The following PEX26 variants were observed in gnomAD, a reference collection of about 807,000 sequenced individuals.
PEX26 encodes the protein peroxisomal biogenesis factor 26.
Under a neutral mutation model 31.4 loss-of-function variants are expected in PEX26, and 18 were observed. That is an observed-to-expected ratio of 0.57 (90% CI 0.40 to 0.85). PEX26 has a LOEUF of 0.85. Ranked by LOEUF, PEX26 falls within the 40% of genes least tolerant of loss-of-function variation. The probability of loss-of-function intolerance (pLI) is 0.00; values close to 1 mark genes in which losing one functional copy is unlikely to be tolerated. For synonymous variants in PEX26, 176 were observed against 166.9 expected, an observed-to-expected ratio of 1.05 and a Z score of -0.42; for missense variants, 377 against 383.9, an observed-to-expected ratio of 0.98 and a Z score of 0.15.
rs537946580 is a variant in PEX26, at chr22:18,091,440, A to G, written c.*3365A>G. The G allele has an allele frequency of 2.6e-5, 4 of 151,728 alleles. No homozygotes were observed. In the South Asian group the frequency reaches 8.4e-4, roughly 32 times the overall value. 9.4% of individuals were successfully genotyped at this position (151,728 alleles called of 1,614,324 possible). ...CTGAAGTCAGGAGTTCGAGATCAGC[A>G]TGGCCAACATGGTGAAACCCCATCT... On this transcript the variant is annotated 3_prime_UTR_variant, in exon 5 of 5. Coordinates refer to ENST00000399744, the MANE Select transcript of PEX26 (RefSeq NM_001127649.3).
rs930576335 is a variant in PEX26 at position 18,097,782 on chromosome 22, C to G, written c.*9707C>G. 1 of 152,074 alleles carries G rather than the reference C, an allele frequency of 6.6e-6. No homozygotes were observed. Among genetic ancestry groups the G allele is most frequent in the African/African-American group, 2.4e-5 (1 of 41,400 alleles). The allele number at this position is 152,074 out of a possible 1,614,324, so 9.4% of individuals were successfully genotyped here. A position where few individuals can be genotyped will look rare whatever the true frequency, so the allele number is the denominator to read the frequency against. ...TGGTGTTGAACTTGCCTCAAGTGAT[C>G]CTCCCATCTTGACCTCCCAAAGTGC... On this transcript the variant is annotated 3_prime_UTR_variant, in exon 5 of 5. Coordinates refer to ENST00000399744, the MANE Select transcript of PEX26 (RefSeq NM_001127649.3).
Position 18,088,233 on chromosome 22 carries a change from C to T in PEX26, c.*158C>T, listed in dbSNP as rs372104510. The T allele has an allele frequency of 1.5e-5, 11 of 722,672 alleles. No individual in the cohort carries two copies. In the African/African-American group the frequency reaches 1.7e-4, roughly 11 times the overall value. 44.8% of individuals were successfully genotyped at this position (722,672 alleles called of 1,614,324 possible). On this transcript the variant is annotated 3_prime_UTR_variant, in exon 5 of 5. Transcript: ENST00000399744. The surrounding 1 kb of genome is among the most constrained non-coding windows in gnomAD (Gnocchi z 4.1). ...CTGCCTGGGTGCCCTCTCCTTTGCA[C>T]CCTACTTCGGCTGGTCGCGGTAGAT...
intron 1 of PEX26, chr22:18,078,997 A>G (rs913397180): frequency 2.9e-5 from 11 of 379,162 alleles, no homozygotes; most frequent in Non-Finnish European, 4.6e-5. Context: ...AATGGGGGTC[A>G]TGGCAGGAGC....
At chr22:18,079,763 A>G in intron 1 of PEX26, 111 bp from the exon 2 acceptor site, 2 of 1,217,414 alleles carry the variant, frequency 1.6e-6, no homozygotes, top group Non-Finnish European at 1.2e-6. Flanking sequence ...CAGGGATGAG[A>G]GAGATGATGG....
At position 18,101,752 on chromosome 22, in the gene PEX26, T is replaced by G. The variant is rs755195142; in HGVS notation, c.*13677T>G. ...CATTACAATGGCCTCATCCTGCATG[T>G]GGGCAAGTCAGCTCTCTGATGGATG... is the stretch of plus-strand genomic sequence containing the variant. On this transcript the variant is annotated 3_prime_UTR_variant, in exon 5 of 5. Coordinates refer to ENST00000399744, the MANE Select transcript of PEX26 (RefSeq NM_001127649.3). 3 of 236,254 alleles carry G rather than the reference T, an allele frequency of 1.3e-5. No homozygotes were observed. Among genetic ancestry groups the G allele is most frequent in the Non-Finnish European group, 2.5e-5 (3 of 122,078 alleles). 14.6% of individuals were successfully genotyped at this position (236,254 alleles called of 1,614,324 possible). A position where few individuals can be genotyped will look rare whatever the true frequency, so the allele number is the denominator to read the frequency against.
chr22:18,079,273 T>A, intron 1 of PEX26: 1 of 984,186 alleles, frequency 1.0e-6, no homozygotes, highest in Non-Finnish European at 1.2e-6. Context: ...GAGTCATTTC[T>A]TTGCATTGTA....
Position 18,088,441 on chromosome 22 carries a change from GA to G in PEX26, c.*371del. ...GGATGTTAATGGAGCTGGAAGTTCA[GA>G]AAAAGCCTGGTGAAGTGACCCTTGG... On this transcript the variant is annotated 3_prime_UTR_variant, in exon 5 of 5. Transcript: ENST00000399744. The surrounding 1 kb of genome is among the most constrained non-coding windows in gnomAD (Gnocchi z 4.1). 1 of 375,214 alleles carries G rather than the reference GA, an allele frequency of 2.7e-6. No homozygotes were observed. The highest frequency in any genetic ancestry group is 5.2e-6 in the Non-Finnish European group (1 of 193,692). 23.2% of individuals were successfully genotyped at this position (375,214 alleles called of 1,614,324 possible).
In PEX26 at chr22:18,092,226, A is replaced by C. The variant is rs1217765529; in HGVS notation, c.*4151A>C. ...ACTCTCTGGCCTAGTCAAGCAACCC[A>C]CCCACGGCCTGGCCAAGGTCGGCCT... is the stretch of plus-strand genomic sequence containing the variant. On this transcript the variant is annotated 3_prime_UTR_variant, in exon 5 of 5. Coordinates refer to ENST00000399744, the MANE Select transcript of PEX26 (RefSeq NM_001127649.3). 1 of 152,262 alleles carries C rather than the reference A, an allele frequency of 6.6e-6. No homozygotes were observed. The highest frequency in any genetic ancestry group is 1.5e-5 in the Non-Finnish European group (1 of 68,060). 9.4% of individuals were successfully genotyped at this position (152,262 alleles called of 1,614,324 possible).
chr22:18,085,292 G>C (rs1456911157), intron 4 of PEX26, 34 bp downstream of exon 4: 1 of 1,612,608 alleles, frequency 6.2e-7, no homozygotes, highest in East Asian at 2.2e-5. Flanking sequence ...GTCCTTCCTG[G>C]GAAGGGGTTG....
chr22:18,085,340 G>T, intron 4 of PEX26, 82 bp downstream of exon 4: 1 of 1,404,140 alleles, frequency 7.1e-7, no homozygotes, highest in South Asian at 1.2e-5. Context: ...GTGTTTGTCA[G>T]AGTCCTACTG....
In PEX26 at chr22:18,102,045, A is replaced by G. The variant is rs1011657586; in HGVS notation, c.*13970A>G. 1 of 152,268 alleles carries G rather than the reference A, an allele frequency of 6.6e-6. No individual in the cohort carries two copies. The highest frequency in any genetic ancestry group is 1.5e-5 in the Non-Finnish European group (1 of 68,094). 9.4% of individuals were successfully genotyped at this position (152,268 alleles called of 1,614,324 possible). ...TTCTAGTCTTTGCAATTTCACAAGG[A>G]AAATCACTAAAATGTGCGTCTCTTC... On this transcript the variant is annotated 3_prime_UTR_variant, in exon 5 of 5. Transcript: ENST00000399744.
rs144463455 is a variant in PEX26, at chr22:18,084,478, C to T, written c.668-634C>T. Among the ~76,000 whole-genome samples, 943 of 151,830 alleles carry T rather than the reference C, an allele frequency of 6.2e-3. 8 individuals carry two copies. The highest frequency in any genetic ancestry group is 0.021 in the African/African-American group (890 of 41,418). On this transcript the variant is annotated intron_variant, in intron 3 of 4. Transcript: ENST00000399744. ...CAGGATGGTCTCAATCTCCTGACCT[C>T]GTGATCTGGCTGCCTTGGCCTCCCA...
In PEX26 at chr22:18,083,742, T is replaced by G; in HGVS notation, c.667+10T>G. 6.2e-7 allele frequency: 1 copy of G among 1,613,336 alleles called. No homozygotes were observed. Among genetic ancestry groups the G allele is most frequent in the Non-Finnish European group, 8.5e-7 (1 of 1,179,870 alleles). Reference sequence around the variant, plus strand: ...AAGCCAAACCTGGAAGGTAGGACATTATCCCTCTGCGACCTCTGTAAAGTG... The same window carrying G: ...AAGCCAAACCTGGAAGGTAGGACATGATCCCTCTGCGACCTCTGTAAAGTG... On this transcript the variant is annotated intron_variant, in intron 3 of 4. Transcript: ENST00000399744.
In PEX26 at chr22:18,082,062, GTT is replaced by G. The variant is rs10627489; in HGVS notation, c.372-1360_372-1359del. Among the ~76,000 whole-genome samples, 23 of 99,388 alleles carry G rather than the reference GTT, an allele frequency of 2.3e-4. 1 individual carries two copies. The highest frequency in any genetic ancestry group is 1.2e-4 in the Non-Finnish European group (5 of 41,632). 65.2% of individuals were successfully genotyped at this position (99,388 alleles called of 152,430 possible). ...GAGGTCTTTTTCCCTTTTGAATCAG[GTT>G]TTTTTTTTTTTTTTCTGCTGTTAAG... On this transcript the variant is annotated intron_variant, in intron 2 of 4. Coordinates refer to ENST00000399744, the MANE Select transcript of PEX26 (RefSeq NM_001127649.3).
rs1663848043 is a variant in PEX26, at chr22:18,095,061, A to G, written c.*6986A>G. The stretch of plus-strand genomic sequence containing the variant: ...AATGAGGCCATCCATGTAAGAGGCC[A>G]AGTAATAAAGATTTGTTGAATGAAC... On this transcript the variant is annotated 3_prime_UTR_variant, in exon 5 of 5. Transcript: ENST00000399744. The G allele has an allele frequency of 6.6e-6, 1 of 152,184 alleles. No homozygotes were observed. The highest frequency in any genetic ancestry group is 1.5e-5 in the Non-Finnish European group (1 of 68,046). 9.4% of individuals were successfully genotyped at this position (152,184 alleles called of 1,614,324 possible).
chr22:18,082,895 T>A (rs543736516), intron 2 of PEX26, among the ~76,000 whole-genome samples: 1 of 152,362 alleles, frequency 6.6e-6, no homozygotes, highest in African/African-American at 2.4e-5. Context: ...GTTTTCAGTG[T>A]AGAGATCTTT....
chr22:18,083,285 G>A (rs1926693698), intron 2 of PEX26, 152 bp from the exon 3 acceptor site: 1 of 823,594 alleles, frequency 1.2e-6, no homozygotes, highest in Non-Finnish European at 2.1e-6. Flanking sequence ...GTGTCGTGGG[G>A]AATTCCCATG....
At chr22:18,079,299 A>G (rs1926451553) in intron 1 of PEX26, 1 of 878,354 alleles carries the variant, frequency 1.1e-6, no homozygotes, top group Non-Finnish European at 1.4e-6. Flanking sequence ...GGGTTAGGCC[A>G]CGCTAGGGAG....
chr22:18,081,138 A>G (rs1339415120), intron 2 of PEX26, among the ~76,000 whole-genome samples: 3 of 100,522 alleles, frequency 3.0e-5, no homozygotes, highest in Non-Finnish European at 6.1e-5. Flanking sequence ...TTTTATGGCT[A>G]TATAGTATTC....
Sources: gnomAD v4.1 joint callset for allele counts (sites outside exome capture counted in the v4.1 genomes callset) on GRCh38, gnomAD v4.1.1 for gene constraint, Gnocchi (gnomAD v3.1) non-coding constraint, MANE v1.5 for transcripts, NCBI Gene and HGNC (gene_info 2026-07-23, HGNC 2026-07-21) for gene names.